The following TRAPPC3L variants were observed in gnomAD, a reference collection of about 807,000 sequenced individuals.
The protein encoded by TRAPPC3L is trafficking protein particle complex subunit 3-like protein.
A neutral mutation model predicts 23.7 loss-of-function variants in TRAPPC3L; 23 were observed. The ratio of observed to expected loss-of-function variants is 0.97; its 90% confidence interval spans 0.70 to 1.37. TRAPPC3L has a LOEUF of 1.37. Among genes scored for constraint, TRAPPC3L ranks in the 40% most tolerant of loss-of-function variants. The pLI is 0.00. For synonymous variants in TRAPPC3L, 81 were observed against 77.9 expected, an observed-to-expected ratio of 1.04 and a Z score of -0.21; for missense variants, 212 against 216.8, an observed-to-expected ratio of 0.98 and a Z score of 0.14.
chr6:116,504,088 G>A (rs2637663), intron 3 of TRAPPC3L, among the ~76,000 whole-genome samples: 3,838 of 152,170 alleles, frequency 0.025, 73 homozygotes, highest in Middle Eastern at 0.095. Context: ...AATGAATCCA[G>A]GAGCTGTTTT....
At chr6:116,507,712 A>AG (rs1491342852) in intron 3 of TRAPPC3L, among the ~76,000 whole-genome samples, 1 of 152,186 alleles carries the variant, frequency 6.6e-6, no homozygotes, top group African/African-American at 2.4e-5. Context: ...TGTGGGTAAC[A>AG]GGGGACTACA....
At chr6:116,537,803 C>A (rs1713489671) in intron 3 of TRAPPC3L, among the ~76,000 whole-genome samples, 1 of 152,174 alleles carries the variant, frequency 6.6e-6, no homozygotes, top group South Asian at 2.1e-4. Flanking sequence ...CTCCCCTCTT[C>A]CCTTCCTCTT....
intron 4 of TRAPPC3L, 93 bp downstream of exon 4, chr6:116,500,388 C>T: frequency 8.4e-7 from 1 of 1,193,210 alleles, no homozygotes; most frequent in Non-Finnish European, 1.2e-6. Flanking sequence ...AACCAATATA[C>T]CCAGCAAAAT....
chr6:116,507,065 G>A (rs1252317551), intron 3 of TRAPPC3L, among the ~76,000 whole-genome samples: 1 of 151,586 alleles, frequency 6.6e-6, no homozygotes, highest in Admixed American at 6.6e-5. Flanking sequence ...ATAGAATATT[G>A]TAAGAGGATA....
At chr6:116,516,661 ATAT>A (rs1772231329) in intron 3 of TRAPPC3L, 5 of 1,002 alleles carry the variant, frequency 5.0e-3, no homozygotes, top group Non-Finnish European at 0.014. Context: ...GTAGTAACAA[ATAT>A]ATATATATAT....
chr6:116,513,817 A>C (rs2115166374), intron 3 of TRAPPC3L, among the ~76,000 whole-genome samples: 1 of 152,298 alleles, frequency 6.6e-6, no homozygotes, highest in South Asian at 2.1e-4. Context: ...ATTCTTAAGG[A>C]AGATAGAATG....
intron 3 of TRAPPC3L, among the ~76,000 whole-genome samples, chr6:116,533,936 T>A (rs1772909330): frequency 6.6e-6 from 1 of 152,182 alleles, no homozygotes; most frequent in African/African-American, 2.4e-5. Flanking sequence ...TTTAGCCCAT[T>A]GTTCCCTGCC....
At chr6:116,539,287 T>G (rs963557275) in intron 3 of TRAPPC3L, among the ~76,000 whole-genome samples, 6 of 152,216 alleles carry the variant, frequency 3.9e-5, no homozygotes, top group African/African-American at 1.4e-4. Flanking sequence ...AAAAGGGACT[T>G]TTTTCCCCAG....
chr6:116,530,275 C>T (rs1007176522), intron 3 of TRAPPC3L, among the ~76,000 whole-genome samples: 2 of 152,180 alleles, frequency 1.3e-5, no homozygotes, highest in Non-Finnish European at 2.9e-5. Context: ...CTGTCTCTGA[C>T]TTGAATGCCC....
chr6:116,543,139 C>T (rs1562355934), intron 2 of TRAPPC3L, among the ~76,000 whole-genome samples, 164 bp downstream of exon 2: 1 of 152,104 alleles, frequency 6.6e-6, no homozygotes, highest in African/African-American at 2.4e-5. Context: ...ATTCTATCAA[C>T]CCAAATGGCA....
chr6:116,519,988 A>AG (rs1307259129), intron 3 of TRAPPC3L: 1 of 152,228 alleles, frequency 6.6e-6, no homozygotes, highest in Middle Eastern at 3.2e-3. Flanking sequence ...AAGGCATGGC[A>AG]GACAAATCAC....
At chr6:116,513,199 C>T (rs1287164576) in intron 3 of TRAPPC3L, among the ~76,000 whole-genome samples, 1 of 152,138 alleles carries the variant, frequency 6.6e-6, no homozygotes, top group African/African-American at 2.4e-5. Flanking sequence ...CAAGGATTTG[C>T]CTTGGTAACA....
chr6:116,511,713 G>T, intron 3 of TRAPPC3L: 1 of 1,613,600 alleles, frequency 6.2e-7, no homozygotes. Context: ...GCTTTTCAGG[G>T]CATTTTAAAA....
Position 116,524,094 on chromosome 6 carries a change from C to T in TRAPPC3L, c.240+16269G>A, listed in dbSNP as rs73769114. 11 of 152,026 alleles carry T rather than the reference C, an allele frequency of 7.2e-5. No homozygotes were observed. In the East Asian group the frequency reaches 2.1e-3, roughly 29 times the overall value. The allele number at this position is 152,026 out of a possible 1,614,324, so 9.4% of individuals were successfully genotyped here. On this transcript the variant is annotated intron_variant, in intron 3 of 4. Coordinates refer to ENST00000368602, the MANE Select transcript of TRAPPC3L (RefSeq NM_001139444.3). ...GCCGATTTATGTTTTTTAAAAAGTT[C>T]TTCAGTTAGAGATGTATATTTAAAT...
intron 3 of TRAPPC3L, among the ~76,000 whole-genome samples, chr6:116,501,203 T>G (rs1188722250): frequency 6.6e-6 from 1 of 152,232 alleles, no homozygotes; most frequent in African/African-American, 2.4e-5. Flanking sequence ...AGCCTGTGAC[T>G]GGCTCAGCAG....
At chr6:116,508,460 T>C (rs1290239720) in intron 3 of TRAPPC3L, among the ~76,000 whole-genome samples, 2 of 152,168 alleles carry the variant, frequency 1.3e-5, no homozygotes, top group Non-Finnish European at 2.9e-5. Flanking sequence ...TAATGCAGAA[T>C]TCAATTTCAG....
intron 3 of TRAPPC3L, among the ~76,000 whole-genome samples, chr6:116,505,712 C>A (rs1293005984): frequency 6.6e-6 from 1 of 152,132 alleles, no homozygotes; most frequent in African/African-American, 2.4e-5. Context: ...AGAAATAACA[C>A]CACACCTCTA....
intron 3 of TRAPPC3L, among the ~76,000 whole-genome samples, chr6:116,534,369 A>G (rs1383393623): frequency 6.6e-6 from 1 of 152,188 alleles, no homozygotes; most frequent in Non-Finnish European, 1.5e-5. Context: ...CTCCATTCTA[A>G]AGCAGCTCAG....
intron 3 of TRAPPC3L, among the ~76,000 whole-genome samples, chr6:116,531,240 A>T (rs1772703774): frequency 6.6e-6 from 1 of 151,982 alleles, no homozygotes; most frequent in Non-Finnish European, 1.5e-5. Flanking sequence ...TCTTTTTGGG[A>T]CTTTAAATAT....
Sources: allele counts gnomAD v4.1 joint callset (sites outside exome capture counted in the v4.1 genomes callset), GRCh38; gene constraint gnomAD v4.1.1; transcripts MANE v1.5; gene names NCBI Gene and HGNC (gene_info 2026-07-23, HGNC 2026-07-21).